The following EYS variants were observed in gnomAD, a reference collection of about 807,000 sequenced individuals.
EYS encodes protein eyes shut homolog.
A neutral mutation model predicts 282.1 loss-of-function variants in EYS; 250 were observed. The ratio of observed to expected loss-of-function variants is 0.89; its 90% CI spans 0.80 to 0.98. EYS has a LOEUF of 0.98. Among genes scored for constraint, EYS ranks in the 50% least tolerant of loss-of-function variants. The probability of loss-of-function intolerance (pLI) is 0.00; values close to 1 mark genes in which losing one functional copy is unlikely to be tolerated. For synonymous variants in EYS, 1,355 were observed against 1,282.9 expected, an observed-to-expected ratio of 1.06 and a Z score of -1.20; for missense variants, 4,016 against 3,709.0, an observed-to-expected ratio of 1.08 and a Z score of -2.15.
intron 31 of EYS, among the ~76,000 whole-genome samples, chr6:64,119,626 T>C (rs1390183269): frequency 6.6e-6 from 1 of 152,204 alleles, no homozygotes; most frequent in Admixed American, 6.5e-5. Context: ...ATGGGTAATT[T>C]TAAAAAAATA....
At chr6:65,393,625 T>C (rs1392736558) in intron 7 of EYS, among the ~76,000 whole-genome samples, 2 of 152,148 alleles carry the variant, frequency 1.3e-5, no homozygotes, top group African/African-American at 2.4e-5. Context: ...CTTAGTTAGT[T>C]ATATTTGTGA....
At chr6:64,677,613 G>A (rs1161649441) in intron 22 of EYS, among the ~76,000 whole-genome samples, 1 of 151,912 alleles carries the variant, frequency 6.6e-6, no homozygotes, top group African/African-American at 2.4e-5. Flanking sequence ...AATTTTCTTT[G>A]CAATTAGAAA....
chr6:64,169,263 G>C (rs1039585981), intron 31 of EYS, among the ~76,000 whole-genome samples: 3 of 152,050 alleles, frequency 2.0e-5, no homozygotes, highest in Non-Finnish European at 4.4e-5. Context: ...GATTCAGTGG[G>C]GGTTTAGAAT....
chr6:65,601,172 G>T (rs1247984135), intron 2 of EYS, among the ~76,000 whole-genome samples: 2 of 151,800 alleles, frequency 1.3e-5, no homozygotes, highest in African/African-American at 2.4e-5. Flanking sequence ...GTTTATTAGT[G>T]CTTTCCTTTC....
intron 35 of EYS, among the ~76,000 whole-genome samples, chr6:63,922,089 AAG>A (rs1438777444): frequency 6.6e-6 from 1 of 152,172 alleles, no homozygotes; most frequent in African/African-American, 2.4e-5. Flanking sequence ...GTAAAACAAG[AAG>A]AGAGTCCCCA....
intron 12 of EYS, among the ~76,000 whole-genome samples, chr6:65,172,099 C>T (rs924753233): frequency 1.3e-5 from 2 of 151,196 alleles, no homozygotes; most frequent in South Asian, 4.2e-4. Flanking sequence ...AGCAGGGTCT[C>T]CCTCTTATAG....
chr6:64,132,937 A>G (rs1459918917), intron 31 of EYS, among the ~76,000 whole-genome samples: 2 of 151,968 alleles, frequency 1.3e-5, no homozygotes, highest in Non-Finnish European at 2.9e-5. Context: ...ATAGTGTACC[A>G]TTCTGTTTTT....
intron 29 of EYS, among the ~76,000 whole-genome samples, chr6:64,351,444 T>C (rs1349506843): frequency 6.6e-6 from 1 of 151,470 alleles, no homozygotes; most frequent in Non-Finnish European, 1.5e-5. Context: ...CATCTATCTA[T>C]CTATCAATCA....
intron 19 of EYS, among the ~76,000 whole-genome samples, chr6:64,878,757 A>T (rs1442154477): frequency 2.0e-5 from 3 of 148,272 alleles, no homozygotes; most frequent in Admixed American, 2.0e-4. Context: ...GGAAATAAGG[A>T]TTTTTTTTTT....
intron 12 of EYS, among the ~76,000 whole-genome samples, chr6:65,292,291 C>T (rs527339313): frequency 9.2e-5 from 14 of 151,644 alleles, no homozygotes; most frequent in Non-Finnish European, 1.5e-5. Context: ...ACAAAATAGG[C>T]TACACTATAA....
At chr6:64,228,234 C>T (rs946030151) in intron 31 of EYS, among the ~76,000 whole-genome samples, 2 of 152,110 alleles carry the variant, frequency 1.3e-5, no homozygotes, top group African/African-American at 4.8e-5. Context: ...ATACTCTATT[C>T]AAATGTAAAG....
At chr6:64,269,985 C>T (rs1046706094) in intron 30 of EYS, among the ~76,000 whole-genome samples, 2 of 151,998 alleles carry the variant, frequency 1.3e-5, no homozygotes, top group African/African-American at 4.8e-5. Context: ...ACATACTTTA[C>T]TGAATATCAA....
chr6:65,533,159 C>T (rs921409311), intron 2 of EYS, among the ~76,000 whole-genome samples: 21 of 151,974 alleles, frequency 1.4e-4, no homozygotes, highest in South Asian at 8.3e-4. Context: ...TGAACAACAC[C>T]GATCCCACAG....
chr6:64,590,611 A>G lies in EYS; in HGVS notation c.5256T>C (p.Ile1752=). The G allele has an allele frequency of 1.3e-6, 2 of 1,551,268 alleles. No individual in the cohort carries two copies. The highest frequency in any genetic ancestry group is 1.7e-6 in the Non-Finnish European group (2 of 1,146,716). Residue 1752 remains isoleucine, a synonymous_variant, in exon 26 of 43, where the codon ATT becomes ATC. Coordinates refer to ENST00000503581, the MANE Select transcript of EYS (RefSeq NM_001142800.2). ...SSLDFELNLQ[I]YPDVTLKTYS... ...ATGTCTTTAAAGTAACATCCGGATA[A>G]ATTTGTAAGTTTAACTCAAAATCCA... is the stretch of plus-strand genomic sequence containing the variant.
chr6:64,493,082 T>A (rs116205553), intron 26 of EYS, among the ~76,000 whole-genome samples: 33 of 151,642 alleles, frequency 2.2e-4, no homozygotes, highest in Admixed American at 5.9e-4. Flanking sequence ...AATTCATCTA[T>A]GTCTAGAGAA....
intron 1 of EYS, among the ~76,000 whole-genome samples, chr6:65,677,569 T>C (rs547003827): frequency 4.6e-5 from 7 of 151,916 alleles, no homozygotes; most frequent in African/African-American, 1.7e-4. Context: ...CACAAATAAA[T>C]GGAAAGATAT....
At chr6:65,549,112 T>C (rs1768505745) in intron 2 of EYS, among the ~76,000 whole-genome samples, 1 of 152,156 alleles carries the variant, frequency 6.6e-6, no homozygotes, top group Non-Finnish European at 1.5e-5. Flanking sequence ...CACCCTCCCC[T>C]CACCTCCTGC....
intron 22 of EYS, among the ~76,000 whole-genome samples, chr6:64,779,671 C>T (rs1773797252): frequency 6.6e-6 from 1 of 152,026 alleles, no homozygotes; most frequent in African/African-American, 2.4e-5. Flanking sequence ...ATTAGCTTAT[C>T]AATTATAATG....
chr6:64,893,100 A>C (rs1767339181), intron 18 of EYS, among the ~76,000 whole-genome samples: 2 of 152,072 alleles, frequency 1.3e-5, no homozygotes, highest in South Asian at 2.1e-4. Context: ...GATGGATACT[A>C]TTGTGAGTGA....
Sources: allele counts gnomAD v4.1 joint callset (sites outside exome capture counted in the v4.1 genomes callset), GRCh38; gene constraint gnomAD v4.1.1; transcripts MANE v1.5; gene names NCBI Gene and HGNC (gene_info 2026-07-23, HGNC 2026-07-21).